VPS13A: variants seen among roughly 807,000 people sequenced by gnomAD.
VPS13A encodes vacuolar protein sorting 13 homolog A.
A neutral mutation model predicts 390.9 loss-of-function variants in VPS13A; 264 were observed. That is an observed-to-expected ratio of 0.68 (90% CI 0.61 to 0.75). VPS13A has a LOEUF of 0.75. Ranked by LOEUF, VPS13A falls within the 30% of genes least tolerant of loss-of-function variation. The pLI is 0.00. For missense variants in VPS13A, 3,409 were observed against 3,733.9 expected, an observed-to-expected ratio of 0.91 and a Z score of 2.27; for synonymous variants, 1,231 against 1,227.1, an observed-to-expected ratio of 1.00 and a Z score of -0.07.
chr9:77,390,837 T>C (rs955911456), intron 68 of VPS13A, among the ~76,000 whole-genome samples: 2 of 151,894 alleles, frequency 1.3e-5, no homozygotes, highest in Admixed American at 6.6e-5. Context: ...AGCCACTGCG[T>C]CTGGCCTAAT....
At chr9:77,283,732 T>G in intron 31 of VPS13A, 82 bp downstream of exon 31, 1 of 1,173,334 alleles carries the variant, frequency 8.5e-7, no homozygotes, top group Non-Finnish European at 1.2e-6. Flanking sequence ...CATTTGGACA[T>G]TTGTCAGAAT....
chr9:77,406,509 C>T (rs113364185), intron 70 of VPS13A, among the ~76,000 whole-genome samples: 2,189 of 152,220 alleles, frequency 0.014, 52 homozygotes, highest in African/African-American at 0.05. Context: ...CCTCCACCTC[C>T]CAGGTTCAAG....
rs1486618932 is a variant in VPS13A at position 77,417,624 on chromosome 9, G to A, written c.*1618G>A. 6.6e-6 allele frequency: 1 copy of A among 151,878 alleles called. No individual in the cohort carries two copies. The highest frequency in any genetic ancestry group is 1.5e-5 in the Non-Finnish European group (1 of 67,996). The allele number at this position is 151,878 out of a possible 1,614,324, so 9.4% of individuals were successfully genotyped here. A position where few individuals can be genotyped will look rare whatever the true frequency, so the allele number is the denominator to read the frequency against. ...TTTGTCAGAATTAAACTTAACAGTA[G>A]AGGTAGTCAGAAAGCTTGCATCAGA... On this transcript the variant is annotated 3_prime_UTR_variant, in exon 72 of 72. Transcript: ENST00000360280.
intron 68 of VPS13A, among the ~76,000 whole-genome samples, chr9:77,401,388 G>A (rs1040081805): frequency 2.7e-5 from 4 of 150,310 alleles, no homozygotes; most frequent in Non-Finnish European, 5.9e-5. Flanking sequence ...AATTGGGAGG[G>A]AGTCAATAAC....
chr9:77,333,816 ATATT>A (rs1830404682), intron 46 of VPS13A, among the ~76,000 whole-genome samples: 1 of 152,182 alleles, frequency 6.6e-6, no homozygotes, highest in African/African-American at 2.4e-5. Context: ...TTTTATTAAA[ATATT>A]TAAGTAGAAT....
chr9:77,419,700 A>G lies in VPS13A; in HGVS notation c.*3694A>G, dbSNP rs552845880. 2.0e-5 allele frequency: 3 copies of G among 152,364 alleles called. No individual in the cohort carries two copies. The highest frequency in any genetic ancestry group is 1.3e-4 in the Admixed American group (2 of 15,308). The allele number at this position is 152,364 out of a possible 1,614,324, so 9.4% of individuals were successfully genotyped here. A position where few individuals can be genotyped will look rare whatever the true frequency, so the allele number is the denominator to read the frequency against. ...CCACACACAGCACCCAAAAAAGGCCATAGTCTTTTGTTTACCTAGATGTAT... is the reference window on the plus strand; with the variant it reads ...CCACACACAGCACCCAAAAAAGGCCGTAGTCTTTTGTTTACCTAGATGTAT... On this transcript the variant is annotated 3_prime_UTR_variant, in exon 72 of 72. Transcript: ENST00000360280.
rs778941417 is a variant in VPS13A, at chr9:77,228,145, C to T, written c.1476C>T (p.Val492=). ...AGTTTGAAGCCTTGAAGTTTTTTGT[C>T]CACTTGAAAAGTATGTCTATTGTTC... The part of the protein sequence containing the change: ...LKTFEALKFF[V]HLKSMSIVLR... Residue 492 remains valine, a synonymous_variant, in exon 17 of 72, where the codon GTC becomes GTT. Transcript: ENST00000360280. The T allele has an allele frequency of 1.2e-6, 2 of 1,601,736 alleles. No homozygotes were observed. Among genetic ancestry groups the T allele is most frequent in the African/African-American group, 2.7e-5 (2 of 74,510 alleles).
intron 34 of VPS13A, 88 bp from the exon 35 acceptor site, chr9:77,307,857 C>G (rs1366771647): frequency 3.7e-6 from 4 of 1,095,872 alleles, no homozygotes; most frequent in Non-Finnish European, 4.0e-6. Flanking sequence ...AACAGTCTTT[C>G]ATTTTTCTCC....
chr9:77,220,234 A>G, intron 11 of VPS13A, 43 bp from the exon 12 acceptor site: 1 of 1,567,530 alleles, frequency 6.4e-7, no homozygotes, highest in Admixed American at 1.7e-5. Flanking sequence ...AATTGAACAA[A>G]AAAATGTGAT....
At chr9:77,415,933 G>T in intron 71 of VPS13A, 23 bp from the exon 72 acceptor site, 1 of 1,612,548 alleles carries the variant, frequency 6.2e-7, no homozygotes, top group Middle Eastern at 1.7e-4. Context: ...GTAAGCAAAT[G>T]TTCATTTATT....
chr9:77,220,509 T>G (rs1370749187), intron 12 of VPS13A, 126 bp downstream of exon 12: 26 of 692,012 alleles, frequency 3.8e-5, no homozygotes, highest in Non-Finnish European at 6.0e-5. Flanking sequence ...ATAATTGATT[T>G]ATAGCTAGAA....
At chr9:77,306,611 C>T (rs967779063) in intron 34 of VPS13A, among the ~76,000 whole-genome samples, 1 of 152,004 alleles carries the variant, frequency 6.6e-6, no homozygotes, top group Non-Finnish European at 1.5e-5. Flanking sequence ...TGGCAGAATT[C>T]TTGCTTAGAG....
rs776307220 is a variant in VPS13A, at chr9:77,219,919, A to G, written c.755-35A>G. ...TATTGCCTTGAGACTTTGGAAATAT[A>G]ACTCAGTTTTTTTTCCATTTTTATT... On this transcript the variant is annotated intron_variant, in intron 10 of 71. Coordinates refer to ENST00000360280, the MANE Select transcript of VPS13A (RefSeq NM_033305.3). 4 of 1,607,936 alleles carry G rather than the reference A, an allele frequency of 2.5e-6. No individual in the cohort carries two copies. The Admixed American group carries it at 6.7e-5, about 27-fold the overall frequency.
chr9:77,306,679 G>T (rs1828771874), intron 34 of VPS13A, among the ~76,000 whole-genome samples: 1 of 151,942 alleles, frequency 6.6e-6, no homozygotes, highest in Non-Finnish European at 1.5e-5. Context: ...ATTGGATGAG[G>T]TCCACCTACA....
chr9:77,406,090 C>A, intron 70 of VPS13A, 103 bp downstream of exon 70: 1 of 1,477,056 alleles, frequency 6.8e-7, no homozygotes, highest in Non-Finnish European at 9.3e-7. Context: ...ATAGATGTCA[C>A]TTTGTCCTGG....
chr9:77,188,705 G>A (rs1240062539), intron 1 of VPS13A, among the ~76,000 whole-genome samples: 1 of 152,158 alleles, frequency 6.6e-6, no homozygotes, highest in Non-Finnish European at 1.5e-5. Context: ...TCTCCAGACT[G>A]CATTCCAAAG....
intron 32 of VPS13A, 139 bp downstream of exon 32, chr9:77,293,647 C>A: frequency 2.4e-6 from 1 of 422,548 alleles, no homozygotes; most frequent in African/African-American, 2.1e-5. Context: ...ATTTATTATA[C>A]ATAATAAATG....
At chr9:77,398,046 T>C (rs933433675) in intron 68 of VPS13A, among the ~76,000 whole-genome samples, 9 of 152,252 alleles carry the variant, frequency 5.9e-5, no homozygotes, top group African/African-American at 2.2e-4. Flanking sequence ...ACCCTGATTT[T>C]GCTAATTCTT....
intron 19 of VPS13A, among the ~76,000 whole-genome samples, chr9:77,245,446 A>G (rs1324584790): frequency 6.6e-6 from 1 of 152,194 alleles, no homozygotes; most frequent in Non-Finnish European, 1.5e-5. Flanking sequence ...TTTGAATCCA[A>G]ATCATTTGGG....
Sources: allele counts gnomAD v4.1 joint callset (sites outside exome capture counted in the v4.1 genomes callset), GRCh38; gene constraint gnomAD v4.1.1; transcripts MANE v1.5; gene names NCBI Gene and HGNC (gene_info 2026-07-23, HGNC 2026-07-21).